GDF2: variants seen among roughly 807,000 people sequenced by gnomAD.
The protein encoded by GDF2 is growth/differentiation factor 2.
Under a neutral mutation model 16.9 loss-of-function variants are expected in GDF2, and 17 were observed. The ratio of observed to expected loss-of-function variants is 1.00; its 90% CI spans 0.69 to 1.51. The LOEUF (loss-of-function observed/expected upper bound fraction) is 1.51. Among genes scored for constraint, GDF2 ranks in the 40% most tolerant of loss-of-function variants. The probability of loss-of-function intolerance (pLI) is 0.00; values close to 1 mark genes in which losing one functional copy is unlikely to be tolerated. For missense variants in GDF2, 523 were observed against 556.3 expected, an observed-to-expected ratio of 0.94 and a Z score of 0.60; for synonymous variants, 276 against 237.6, an observed-to-expected ratio of 1.16 and a Z score of -1.49.
In GDF2 at chr10:47,325,566, G is replaced by C. The variant is rs2061103296; in HGVS notation, c.1072G>C (p.Gly358Arg). 3.7e-6 allele frequency: 6 copies of C among 1,614,096 alleles called. No individual in the cohort carries two copies. Among genetic ancestry groups the C allele is most frequent in the Non-Finnish European group, 5.1e-6 (6 of 1,180,044 alleles). Reference sequence around the variant, plus strand: ...GGAGTATGAAGCCTACGAGTGTAAGGGCGGCTGCTTCTTCCCCTTGGCTGA... The same window carrying C: ...GGAGTATGAAGCCTACGAGTGTAAGCGCGGCTGCTTCTTCCCCTTGGCTGA... ...PKEYEAYECKGGCFFPLADDV... is the reference protein window; with the variant it reads ...PKEYEAYECKRGCFFPLADDV... The change falls in exon 2 of 2, where the codon GGC (glycine) becomes CGC (arginine). Residue 358 changes from glycine to arginine, a missense_variant. Coordinates refer to ENST00000581492, the MANE Select transcript of GDF2 (RefSeq NM_016204.4).
chr10:47,325,356 T>C lies in GDF2; in HGVS notation c.862T>C (p.Ser288Pro), dbSNP rs1821241117. The change falls in exon 2 of 2, where the codon TCC (serine) becomes CCC (proline). Residue 288 changes from serine (S) to proline (P), a missense_variant. Ser to Pro is a moderately conservative substitution (Grantham distance 74). Coordinates refer to ENST00000581492, the MANE Select transcript of GDF2 (RefSeq NM_016204.4). ...HEQESVLKKL[S>P]KDGSTEAGES... ...ACAAGAGAGCGTGCTCAAGAAGCTG[T>C]CCAAGGACGGCTCCACAGAGGCAGG... The C allele has an allele frequency of 6.2e-7, 1 of 1,613,914 alleles. No homozygotes were observed. Among genetic ancestry groups the C allele is most frequent in the Admixed American group, 1.7e-5 (1 of 59,998 alleles).
Position 47,322,649 on chromosome 10 carries a change from G to C in GDF2, c.-20G>C. ...ACGGCCGCCTGCAGTCTCCTCTCTG[G>C]GTGATTGCGCGGGCCTAAGATGTGT... On this transcript the variant is annotated 5_prime_UTR_variant, in exon 1 of 2. Coordinates refer to ENST00000581492, the MANE Select transcript of GDF2 (RefSeq NM_016204.4). 1 of 1,476,356 alleles carries C rather than the reference G, an allele frequency of 6.8e-7. No individual in the cohort carries two copies. Among genetic ancestry groups the C allele is most frequent in the Non-Finnish European group, 9.1e-7 (1 of 1,104,614 alleles). 91.5% of individuals were successfully genotyped at this position (1,476,356 alleles called of 1,614,324 possible).
chr10:47,324,495 C>A (rs1158310951), intron 1 of GDF2, among the ~76,000 whole-genome samples: 2 of 152,194 alleles, frequency 1.3e-5, no homozygotes, highest in Non-Finnish European at 2.9e-5. Flanking sequence ...GAATCCCAGT[C>A]TCCACATCTG....
Position 47,326,044 on chromosome 10 carries a change from CAG to C in GDF2, c.*261_*262del, listed in dbSNP as rs1478209939. 7 of 396,416 alleles carry C rather than the reference CAG, an allele frequency of 1.8e-5. No homozygotes were observed. The highest frequency in any genetic ancestry group is 1.2e-4 in the African/African-American group (6 of 49,808). 24.6% of individuals were successfully genotyped at this position (396,416 alleles called of 1,614,324 possible). On this transcript the variant is annotated 3_prime_UTR_variant, in exon 2 of 2. Transcript: ENST00000581492. ...ATGCAAGGAGGTGATGAAAAGGAGACAGGGGGAAAAATAATCCATAGTCAGCA... is the reference window on the plus strand; with the variant it reads ...ATGCAAGGAGGTGATGAAAAGGAGACGGGGAAAAATAATCCATAGTCAGCA...
Position 47,325,547 on chromosome 10 carries a change from T to G in GDF2, c.1053T>G (p.Tyr351Ter). ...GCTGGATCATTGCACCCAAGGAGTATGAAGCCTACGAGTGTAAGGGCGGCT... is the reference window on the plus strand; with the variant it reads ...GCTGGATCATTGCACCCAAGGAGTAGGAAGCCTACGAGTGTAAGGGCGGCT... ...WDSWIIAPKE[Y>*]EAYECKGGCF... The change falls in exon 2 of 2, where the codon TAT becomes TAG. Residue 351 changes from tyrosine (Y) to a stop codon, truncating the protein, a stop_gained. Transcript: ENST00000581492. LOFTEE classifies it high-confidence loss of function. The G allele has an allele frequency of 6.2e-7, 1 of 1,613,924 alleles. No individual in the cohort carries two copies. Among genetic ancestry groups the G allele is most frequent in the African/African-American group, 1.3e-5 (1 of 75,056 alleles).
chr10:47,325,882 C>A lies in GDF2; in HGVS notation c.*98C>A. 1.1e-6 allele frequency: 1 copy of A among 888,430 alleles called. No individual in the cohort carries two copies. The highest frequency in any genetic ancestry group is 1.7e-6 in the Non-Finnish European group (1 of 599,798). The allele number at this position is 888,430 out of a possible 1,614,324, so 55.0% of individuals were successfully genotyped here. A position where few individuals can be genotyped will look rare whatever the true frequency, so the allele number is the denominator to read the frequency against. On this transcript the variant is annotated 3_prime_UTR_variant, in exon 2 of 2. Coordinates refer to ENST00000581492, the MANE Select transcript of GDF2 (RefSeq NM_016204.4). ...ACAAGGACTGATTCAATCTGCATGCCAGCCTGGAGGAGGAAAGGGAGCCTG... is the reference window on the plus strand; with the variant it reads ...ACAAGGACTGATTCAATCTGCATGCAAGCCTGGAGGAGGAAAGGGAGCCTG...
rs782015913 is a variant in GDF2, at chr10:47,322,792, G to C, written c.124G>C (p.Gly42Arg). 1.2e-6 allele frequency: 2 copies of C among 1,613,618 alleles called. No homozygotes were observed. The highest frequency in any genetic ancestry group is 2.2e-5 in the East Asian group (1 of 44,868). The stretch of plus-strand genomic sequence containing the variant: ...TGGGGGAAACGCCCACAGCCCACTG[G>C]GGGTGCCTGGAGGTGGGCTGCCTGA... ...SAGGNAHSPL[G>R]VPGGGLPEHT... Residue 42 changes from glycine (G) to arginine (R), a missense_variant, in exon 1 of 2, where the codon GGG becomes CGG. Transcript: ENST00000581492.
At chr10:47,324,250 A>T (rs1440819778) in intron 1 of GDF2, among the ~76,000 whole-genome samples, 1 of 152,218 alleles carries the variant, frequency 6.6e-6, no homozygotes, top group African/African-American at 2.4e-5. Context: ...TTTGTTTGGA[A>T]ATTACAATTT....
At position 47,326,106 on chromosome 10, in the gene GDF2, G is replaced by C; in HGVS notation, c.*322G>C. On this transcript the variant is annotated 3_prime_UTR_variant, in exon 2 of 2. Transcript: ENST00000581492. ...AGCAGTGAGCCAGAGGAGCACAGGC[G>C]GGCAGGTCACTGCAGAGACTGATGG... 3.9e-6 allele frequency: 1 copy of C among 253,964 alleles called. No homozygotes were observed. Among genetic ancestry groups the C allele is most frequent in the Non-Finnish European group, 7.6e-6 (1 of 132,336 alleles). The allele number at this position is 253,964 out of a possible 1,614,324, so 15.7% of individuals were successfully genotyped here.
chr10:47,327,442 T>C lies in GDF2; in HGVS notation c.*1658T>C, dbSNP rs1468873166. On this transcript the variant is annotated 3_prime_UTR_variant, in exon 2 of 2. Transcript: ENST00000581492. ...CATTCTTGTTTAATTACTGGCGTTATAGAAAATATGAATTCCTGCTACATG... is the reference window on the plus strand; with the variant it reads ...CATTCTTGTTTAATTACTGGCGTTACAGAAAATATGAATTCCTGCTACATG... Among the ~76,000 whole-genome samples, 2 of 152,240 alleles carry C rather than the reference T, an allele frequency of 1.3e-5. No homozygotes were observed. Among genetic ancestry groups the C allele is most frequent in the African/African-American group, 4.8e-5 (2 of 41,456 alleles).
rs1555209044 is a variant in GDF2, at chr10:47,325,441, G to A, written c.947G>A (p.Arg316Lys). The A allele has an allele frequency of 6.2e-7, 1 of 1,613,872 alleles. No homozygotes were observed. Among genetic ancestry groups the A allele is most frequent in the Non-Finnish European group, 8.5e-7 (1 of 1,180,054 alleles). ...GTGGCTGCGGGGTCGACTTTAGCCA[G>A]GCGGAAAAGGAGCGCCGGGGCTGGC... ...GHVAAGSTLA[R>K]RKRSAGAGSH... Residue 316 changes from arginine (R) to lysine (K), a missense_variant, in exon 2 of 2, where the codon AGG becomes AAG. Coordinates refer to ENST00000581492, the MANE Select transcript of GDF2 (RefSeq NM_016204.4).
At position 47,325,488 on chromosome 10, in the gene GDF2, C is replaced by G; in HGVS notation, c.994C>G (p.Leu332Val). The G allele has an allele frequency of 6.2e-7, 1 of 1,614,014 alleles. No homozygotes were observed. Residue 332 changes from leucine (L) to valine (V), a missense_variant, in exon 2 of 2, where the codon CTG (leucine) becomes GTG (valine). Physicochemically the swap from Leu to Val is conservative, Grantham distance 32. Transcript: ENST00000581492. The stretch of plus-strand genomic sequence containing the variant: ...TGGCAGCCACTGTCAAAAGACCTCC[C>G]TGCGGGTAAACTTCGAGGACATCGG... Reference protein sequence around the residue: ...GAGSHCQKTSLRVNFEDIGWD... With the variant: ...GAGSHCQKTSVRVNFEDIGWD...
At position 47,326,662 on chromosome 10, in the gene GDF2, G is replaced by C. The variant is rs972149965; in HGVS notation, c.*878G>C. On this transcript the variant is annotated 3_prime_UTR_variant, in exon 2 of 2. Transcript: ENST00000581492. ...GTGGCTGGAGTTATTGTGACCCCCT[G>C]GTGCAGTGCTCCCACGGCCAGTGGT... is the stretch of plus-strand genomic sequence containing the variant. 6.6e-6 allele frequency among the ~76,000 whole-genome samples: 1 copy of C among 152,206 alleles called. No individual in the cohort carries two copies. The highest frequency in any genetic ancestry group is 6.5e-5 in the Admixed American group (1 of 15,280).
At position 47,322,754 on chromosome 10, in the gene GDF2, G is replaced by C; in HGVS notation, c.86G>C (p.Gly29Ala). 1 of 1,611,804 alleles carries C rather than the reference G, an allele frequency of 6.2e-7. No individual in the cohort carries two copies. Among genetic ancestry groups the C allele is most frequent in the Non-Finnish European group, 8.5e-7 (1 of 1,178,750 alleles). ...CAGGGGAAGCCACTGCAGAGCTGGG[G>C]ACGAGGGTCTGCTGGGGGAAACGCC... ...SLQGKPLQSW[G>A]RGSAGGNAHS... The change falls in exon 1 of 2, where the codon GGA (glycine) becomes GCA (alanine). Residue 29 changes from glycine (G) to alanine (A), a missense_variant. By Grantham distance (60) the Gly-to-Ala change is moderately conservative (BLOSUM62 0). Transcript: ENST00000581492.
chr10:47,323,602 A>G (rs2061092914), intron 1 of GDF2, among the ~76,000 whole-genome samples: 1 of 152,244 alleles, frequency 6.6e-6, no homozygotes, highest in Non-Finnish European at 1.5e-5. Flanking sequence ...AAATAGAAAT[A>G]TATCTGATTT....
In GDF2 at chr10:47,322,852, G is replaced by C. The variant is rs183574765; in HGVS notation, c.184G>C (p.Val62Leu). ...CAACCTGAAGATGTTTCTGGAGAAC[G>C]TGAAGGTGGATTTCCTGCGCAGCCT... ...TFNLKMFLEN[V>L]KVDFLRSLNL... Residue 62 changes from valine to leucine, a missense_variant, in exon 1 of 2, where the codon GTG becomes CTG. By Grantham distance (32) the Val-to-Leu change is conservative. Coordinates refer to ENST00000581492, the MANE Select transcript of GDF2 (RefSeq NM_016204.4). 6.2e-7 allele frequency: 1 copy of C among 1,614,058 alleles called. No individual in the cohort carries two copies. Among genetic ancestry groups the C allele is most frequent in the African/African-American group, 1.3e-5 (1 of 74,936 alleles).
rs145385373 is a variant in GDF2, at chr10:47,325,226, C to G, written c.732C>G (p.Val244=). The G allele has an allele frequency of 1.2e-6, 2 of 1,613,920 alleles. No individual in the cohort carries two copies. Among genetic ancestry groups the G allele is most frequent in the Non-Finnish European group, 1.7e-6 (2 of 1,180,000 alleles). ...RKGCDTLDIS[V]PPGSRNLPFF... is the part of the protein sequence containing the mutation. ...GCTGCGACACGCTGGACATCAGTGT[C>G]CCCCCAGGTTCCAGAAACCTGCCCT... The change falls in exon 2 of 2, where the codon GTC becomes GTG. Residue 244 remains valine, a synonymous_variant. Coordinates refer to ENST00000581492, the MANE Select transcript of GDF2 (RefSeq NM_016204.4).
At chr10:47,323,040 C>A in intron 1 of GDF2, 26 bp downstream of exon 1, 1 of 1,528,302 alleles carries the variant, frequency 6.5e-7, no homozygotes, top group Admixed American at 1.7e-5. Flanking sequence ...GCACCATGCG[C>A]GCTGGGGTGG....
In GDF2 at chr10:47,326,508, T is replaced by A. The variant is rs2061107868; in HGVS notation, c.*724T>A. ...CACACAGGGCGTGGTCTGGCCACTGTTGCCAGTGCTCACTCAGCGGCCACA... is the reference window on the plus strand; with the variant it reads ...CACACAGGGCGTGGTCTGGCCACTGATGCCAGTGCTCACTCAGCGGCCACA... On this transcript the variant is annotated 3_prime_UTR_variant, in exon 2 of 2. Coordinates refer to ENST00000581492, the MANE Select transcript of GDF2 (RefSeq NM_016204.4). Among the ~76,000 whole-genome samples the A allele has an allele frequency of 6.6e-6, 1 of 152,188 alleles. No homozygotes were observed.
Sources: gnomAD v4.1 joint callset for allele counts (sites outside exome capture counted in the v4.1 genomes callset) on GRCh38, gnomAD v4.1.1 for gene constraint, MANE v1.5 for transcripts, NCBI Gene and HGNC (gene_info 2026-07-23, HGNC 2026-07-21) for gene names.